Variants in RARS2 observed in about 807,000 individuals in gnomAD.
The protein encoded by RARS2 is arginyl-tRNA synthetase 2, mitochondrial.
In RARS2, 67 loss-of-function variants were observed where a neutral mutation model predicts 88.5. That is an observed-to-expected ratio of 0.76 (90% CI 0.62 to 0.93). The LOEUF (loss-of-function observed/expected upper bound fraction) is 0.93, where lower values mean the gene tolerates loss of function less well. Among genes scored for constraint, RARS2 ranks in the 40% least tolerant of loss-of-function variants. The pLI is 0.00. For synonymous variants in RARS2, 239 were observed against 230.3 expected (o/e 1.04, Z -0.34); for missense variants, 664 against 684.2 (o/e 0.97, Z 0.33).
chr6:87,529,563 T>C lies in RARS2; in HGVS notation c.857A>G (p.Lys286Arg). 1 of 1,594,660 alleles carries C rather than the reference T, an allele frequency of 6.3e-7. No individual in the cohort carries two copies. Among genetic ancestry groups the C allele is most frequent in the Non-Finnish European group, 8.6e-7 (1 of 1,162,380 alleles). The part of the protein sequence containing the change: ...SQEVLKLLES[K>R]GLLLKTIKGT... ...ATACATTGTTTTCAGTAGGAGTCCT[T>C]TACTCTCCAGCAACTTTAAGACCTC... The change falls in exon 10 of 20, where the codon AAA becomes AGA. Residue 286 changes from lysine to arginine, a missense_variant. Transcript: ENST00000369536.
chr6:87,555,989 G>A (rs554933103), intron 4 of RARS2, among the ~76,000 whole-genome samples: 15 of 152,130 alleles, frequency 9.9e-5, no homozygotes, highest in Non-Finnish European at 1.9e-4. Flanking sequence ...AAGTACTGAG[G>A]GATTAAATAG....
Position 87,564,012 on chromosome 6 carries a change from C to A in RARS2, c.213+118G>T. On this transcript the variant is annotated intron_variant, in intron 3 of 19. Coordinates refer to ENST00000369536, the MANE Select transcript of RARS2 (RefSeq NM_020320.5). ...TAAAATGAATTTAAATTATATTACA[C>A]AAGATGCCTCAAAGAAACACTATTA... is the stretch of plus-strand genomic sequence containing the variant. The A allele has an allele frequency of 3.9e-6, 3 of 765,542 alleles. No individual in the cohort carries two copies. The South Asian group carries it at 4.5e-5, about 11-fold the overall frequency. 47.4% of individuals were successfully genotyped at this position (765,542 alleles called of 1,614,324 possible).
intron 1 of RARS2, chr6:87,584,606 C>G: frequency 2.7e-6 from 1 of 364,360 alleles, no homozygotes; most frequent in South Asian, 2.0e-5. Flanking sequence ...GAATTCTAAT[C>G]CTTCCCACCA....
chr6:87,585,634 A>C (rs1462516292), intron 1 of RARS2, among the ~76,000 whole-genome samples: 4 of 152,126 alleles, frequency 2.6e-5, no homozygotes, highest in Non-Finnish European at 4.4e-5. Context: ...CGGGAGGCTG[A>C]GGTGGGAGAA....
At chr6:87,534,504 T>G (rs538857526) in intron 8 of RARS2, among the ~76,000 whole-genome samples, 1 of 152,218 alleles carries the variant, frequency 6.6e-6, no homozygotes, top group Non-Finnish European at 1.5e-5. Context: ...ATAAAAGTAT[T>G]TTTTGCACAT....
intron 2 of RARS2, among the ~76,000 whole-genome samples, chr6:87,565,575 T>C (rs1389227936): frequency 6.6e-6 from 1 of 152,172 alleles, no homozygotes; most frequent in Non-Finnish European, 1.5e-5. Flanking sequence ...CCCTACAAAA[T>C]AAGACTTGAA....
intron 1 of RARS2, among the ~76,000 whole-genome samples, chr6:87,573,478 A>T (rs1452808714): frequency 6.6e-6 from 1 of 152,226 alleles, no homozygotes; most frequent in Non-Finnish European, 1.5e-5. Context: ...ACATAATGTA[A>T]ATTTTAAAAC....
At chr6:87,566,241 A>G (rs960666990) in intron 2 of RARS2, among the ~76,000 whole-genome samples, 3 of 152,260 alleles carry the variant, frequency 2.0e-5, no homozygotes, top group Admixed American at 6.5e-5. Context: ...TCATTTTAAA[A>G]ACAGAATTAT....
intron 1 of RARS2, among the ~76,000 whole-genome samples, chr6:87,572,851 G>A (rs1770211028): frequency 6.6e-6 from 1 of 152,076 alleles, no homozygotes; most frequent in South Asian, 2.1e-4. Context: ...GGTACTTAAC[G>A]CTTCTTGGCA....
At chr6:87,524,690 A>G in intron 10 of RARS2, 38 bp from the exon 11 acceptor site, 2 of 1,419,216 alleles carry the variant, frequency 1.4e-6, no homozygotes, top group East Asian at 2.3e-5. Context: ...GCAACATAAT[A>G]AATTCAGACC....
At chr6:87,546,488 A>G (rs1004137002) in intron 6 of RARS2, among the ~76,000 whole-genome samples, 1 of 152,240 alleles carries the variant, frequency 6.6e-6, no homozygotes, top group African/African-American at 2.4e-5. Flanking sequence ...TTGAAAGTAT[A>G]TGGGGCTGCC....
intron 1 of RARS2, chr6:87,584,673 G>C: frequency 2.2e-6 from 1 of 464,866 alleles, no homozygotes; most frequent in Non-Finnish European, 4.3e-6. Context: ...AAAGACTGAG[G>C]ATGCTGAGAG....
At chr6:87,582,288 T>A (rs2978445) in intron 1 of RARS2, among the ~76,000 whole-genome samples, 1 of 152,226 alleles carries the variant, frequency 6.6e-6, no homozygotes, top group Non-Finnish European at 1.5e-5. Context: ...GATTTTTTAA[T>A]GATCACCATT....
chr6:87,540,807 G>A (rs1347632449), intron 8 of RARS2, among the ~76,000 whole-genome samples: 4 of 152,138 alleles, frequency 2.6e-5, no homozygotes, highest in Non-Finnish European at 5.9e-5. Flanking sequence ...AAGAAGCAAA[G>A]TATCCAAGGG....
rs1205944455 is a variant in RARS2, at chr6:87,559,715, TA to T, written c.297+2986del. On this transcript the variant is annotated intron_variant, in intron 4 of 19. Transcript: ENST00000369536. ...TCTGAAGTTATGATACAAGGAAAAATATTTTTTTATAAACCCATTGTAACCT... is the reference window on the plus strand; with the variant it reads ...TCTGAAGTTATGATACAAGGAAAAATTTTTTTTATAAACCCATTGTAACCT... Among the ~76,000 whole-genome samples, 18 of 152,240 alleles carry T rather than the reference TA, an allele frequency of 1.2e-4. No homozygotes were observed. In the East Asian group the frequency reaches 2.1e-3, roughly 18 times the overall value.
At chr6:87,535,501 T>G (rs1429520001) in intron 8 of RARS2, among the ~76,000 whole-genome samples, 1 of 152,104 alleles carries the variant, frequency 6.6e-6, no homozygotes, top group African/African-American at 2.4e-5. Flanking sequence ...ATTACGTAAA[T>G]TATCTAGTGA....
chr6:87,529,728 CTCTACCACCTG>C (rs1776846589), intron 9 of RARS2, 80 bp from the exon 10 acceptor site: 1 of 906,144 alleles, frequency 1.1e-6, no homozygotes, highest in Admixed American at 1.8e-5. Context: ...ATTAAGGATG[CTCTACCACCTG>C]TCACACACAT....
chr6:87,555,920 T>TA (rs1451938653), intron 4 of RARS2, among the ~76,000 whole-genome samples: 2 of 152,234 alleles, frequency 1.3e-5, no homozygotes, highest in African/African-American at 4.8e-5. Flanking sequence ...TTATATGCAT[T>TA]AACTTACTTA....
At chr6:87,523,668 T>C (rs914758982) in intron 11 of RARS2, among the ~76,000 whole-genome samples, 1 of 152,116 alleles carries the variant, frequency 6.6e-6, no homozygotes, top group Non-Finnish European at 1.5e-5. Context: ...AAGAAAAATA[T>C]AGGTGTTGAA....
Sources: allele counts gnomAD v4.1 joint callset (sites outside exome capture counted in the v4.1 genomes callset), GRCh38; gene constraint gnomAD v4.1.1; transcripts MANE v1.5; gene names NCBI Gene and HGNC (gene_info 2026-07-23, HGNC 2026-07-21).